Variants in NECAP2 observed in about 807,000 individuals in gnomAD.
NECAP2 encodes the protein NECAP endocytosis associated 2.
Under a neutral mutation model 37.8 loss-of-function variants are expected in NECAP2, and 38 were observed. That is an observed-to-expected ratio of 1.01 (90% CI 0.78 to 1.32). NECAP2 has a LOEUF of 1.32. Ranked by LOEUF, NECAP2 falls within the 40% of genes most tolerant of loss-of-function variation. The probability of loss-of-function intolerance (pLI) is 0.00; values close to 1 mark genes in which losing one functional copy is unlikely to be tolerated. For missense variants in NECAP2, 316 were observed against 334.5 expected, an observed-to-expected ratio of 0.94 and a Z score of 0.43; for synonymous variants, 121 against 127.7, an observed-to-expected ratio of 0.95 and a Z score of 0.35.
chr1:16,451,505 G>A (rs1338216870), intron 5 of NECAP2: 7 of 278,988 alleles, frequency 2.5e-5, no homozygotes, highest in South Asian at 1.8e-4. Flanking sequence ...CCAGCAGCGC[G>A]TGAATGGTTA....
In NECAP2 at chr1:16,443,752, C is replaced by T. The variant is rs1324256196; in HGVS notation, c.193+20C>T. On this transcript the variant is annotated intron_variant, in intron 2 of 7. Transcript: ENST00000337132. ...CGTCAGGTAACCGGAAGGGAGGCTG[C>T]ATCAAGCTGAGGGGCCGCACCCCAC... The T allele has an allele frequency of 6.3e-7, 1 of 1,591,430 alleles. No homozygotes were observed. Among genetic ancestry groups the T allele is most frequent in the Admixed American group, 1.7e-5 (1 of 58,626 alleles).
intron 2 of NECAP2, among the ~76,000 whole-genome samples, chr1:16,445,453 G>A (rs897307468): frequency 6.6e-6 from 1 of 152,244 alleles, no homozygotes; most frequent in Non-Finnish European, 1.5e-5. Flanking sequence ...ATTGCCAGAT[G>A]TCCTCTTGGG....
intron 5 of NECAP2, 107 bp from the exon 6 acceptor site, chr1:16,451,731 C>A: frequency 1.8e-6 from 2 of 1,134,140 alleles, no homozygotes; most frequent in Non-Finnish European, 2.6e-6. Flanking sequence ...CTTTTGGTTA[C>A]ACAGATGTTG....
chr1:16,440,889 T>G (rs1417498404), intron 1 of NECAP2, 36 bp downstream of exon 1: 1 of 1,579,650 alleles, frequency 6.3e-7, no homozygotes, highest in Non-Finnish European at 8.7e-7. Context: ...TAGCTCCAAT[T>G]TAACCCTTTC....
chr1:16,451,430 C>A, intron 5 of NECAP2: 1 of 170,374 alleles, frequency 5.9e-6, no homozygotes, highest in Non-Finnish European at 1.3e-5. Flanking sequence ...GTTTAAGTTC[C>A]TATGTTGAGC....
intron 1 of NECAP2, among the ~76,000 whole-genome samples, chr1:16,443,265 GT>G (rs2100942988): frequency 6.6e-6 from 1 of 152,294 alleles, no homozygotes; most frequent in South Asian, 2.1e-4. Context: ...CCTAAGAATA[GT>G]TTTTACATTT....
intron 2 of NECAP2, among the ~76,000 whole-genome samples, chr1:16,445,345 G>A (rs1242632936): frequency 1.3e-5 from 2 of 152,222 alleles, no homozygotes; most frequent in Non-Finnish European, 2.9e-5. Context: ...TTGGAGAGCT[G>A]TGGAGCCCAG....
At position 16,451,864 on chromosome 1, in the gene NECAP2, T is replaced by C; in HGVS notation, c.516T>C (p.Ala172=). 1 of 1,614,072 alleles carries C rather than the reference T, an allele frequency of 6.2e-7. No individual in the cohort carries two copies. Among genetic ancestry groups the C allele is most frequent in the Non-Finnish European group, 8.5e-7 (1 of 1,179,976 alleles). The change falls in exon 6 of 8, where the codon GCT becomes GCC. Residue 172 remains alanine (A), a synonymous_variant. Coordinates refer to ENST00000337132, the MANE Select transcript of NECAP2 (RefSeq NM_018090.5). The stretch of plus-strand genomic sequence containing the variant: ...ACATGAAGAAGAAGGAAGGAGCAGC[T>C]GGGAATCCCCGAGTCCGGCCTGCCA... ...IANMKKKEGA[A]GNPRVRPAST... is the part of the protein sequence containing the mutation.
intron 7 of NECAP2, among the ~76,000 whole-genome samples, chr1:16,458,588 CA>C (rs370954719): frequency 4.9e-5 from 6 of 123,094 alleles, no homozygotes; most frequent in African/African-American, 1.2e-4. Context: ...GACCCTGTCT[CA>C]AAAAAAAAAC....
chr1:16,443,531 T>C, intron 1 of NECAP2, 101 bp from the exon 2 acceptor site: 1 of 855,828 alleles, frequency 1.2e-6, no homozygotes, highest in South Asian at 1.5e-5. Flanking sequence ...AGAAAATGTT[T>C]GCCAACTCTT....
At chr1:16,443,837 C>A in intron 2 of NECAP2, 105 bp downstream of exon 2, 1 of 820,920 alleles carries the variant, frequency 1.2e-6, no homozygotes, top group African/African-American at 1.7e-5. Flanking sequence ...GGGAACCTGT[C>A]CTGAAAAATC....
chr1:16,452,867 C>G (rs1232935871), intron 6 of NECAP2, among the ~76,000 whole-genome samples: 1 of 152,040 alleles, frequency 6.6e-6, no homozygotes, highest in African/African-American at 2.4e-5. Flanking sequence ...CAGCTCTCCC[C>G]AGCTTGCAGG....
chr1:16,450,270 T>G (rs1036624074), intron 5 of NECAP2: 2 of 373,370 alleles, frequency 5.4e-6, no homozygotes, highest in Non-Finnish European at 1.0e-5. Flanking sequence ...TTTGTTTTGT[T>G]TTTTGTTTTG....
Position 16,452,788 on chromosome 1 carries a change from G to A in NECAP2, c.667+773G>A, listed in dbSNP as rs912903482. Among the ~76,000 whole-genome samples, 6 of 122,778 alleles carry A rather than the reference G, an allele frequency of 4.9e-5. No homozygotes were observed. The South Asian group carries it at 1.1e-3, about 23-fold the overall frequency. 80.5% of individuals were successfully genotyped at this position (122,778 alleles called of 152,430 possible). A position where few individuals can be genotyped will look rare whatever the true frequency, so the allele number is the denominator to read the frequency against. ...GCGCGCCCCCCCCGCCCGCCGCCCC[G>A]CCCAGCCCAGCTTGATGCTCCTGGC... On this transcript the variant is annotated intron_variant, in intron 6 of 7. Coordinates refer to ENST00000337132, the MANE Select transcript of NECAP2 (RefSeq NM_018090.5).
At chr1:16,446,184 G>A (rs571083960) in intron 2 of NECAP2, among the ~76,000 whole-genome samples, 1 of 152,318 alleles carries the variant, frequency 6.6e-6, no homozygotes, top group African/African-American at 2.4e-5. Flanking sequence ...CTTCAGCCTG[G>A]GCAACAAGAG....
rs866825314 is a variant in NECAP2 at position 16,447,957 on chromosome 1, G to T, written c.281G>T (p.Arg94Leu). Residue 94 changes from arginine (R) to leucine (L), a missense_variant, in exon 3 of 8, where the codon CGC becomes CTC. Physicochemically the swap from Arg to Leu is moderately radical, Grantham distance 102. This residue lies in a region of NECAP2 where 81 missense variants were observed against 124.2 expected (regional missense o/e 0.65). Transcript: ENST00000337132. ...GATTCCAGCAGGTACTTCGTGATCC[G>T]CATCGAAGATGGAAATGGTAGGCAT... ...VTDSSRYFVI[R>L]IEDGNGRRAF... is the part of the protein sequence containing the mutation. The T allele has an allele frequency of 1.2e-6, 2 of 1,613,964 alleles. No individual in the cohort carries two copies. Among genetic ancestry groups the T allele is most frequent in the African/African-American group, 2.7e-5 (2 of 74,912 alleles).
rs1255884568 is a variant in NECAP2 at position 16,447,877 on chromosome 1, C to T, written c.201C>T (p.Leu67=). The T allele has an allele frequency of 6.2e-7, 1 of 1,614,072 alleles. No individual in the cohort carries two copies. Among genetic ancestry groups the T allele is most frequent in the Admixed American group, 1.7e-5 (1 of 60,010 alleles). The part of the protein sequence containing the change: ...IKLEDRTSGE[L]FAQAPVDQFP... ...CCTAACCTGTGCTTTCAGGGGAGCT[C>T]TTTGCTCAGGCCCCGGTGGATCAGT... The change falls in exon 3 of 8, where the codon CTC becomes CTT. Residue 67 remains leucine (L), a synonymous_variant. Coordinates refer to ENST00000337132, the MANE Select transcript of NECAP2 (RefSeq NM_018090.5).
intron 2 of NECAP2, among the ~76,000 whole-genome samples, chr1:16,445,827 C>T (rs752803683): frequency 6.6e-6 from 1 of 151,888 alleles, no homozygotes; most frequent in East Asian, 1.9e-4. Context: ...TCACTTGAAC[C>T]GAGGAGGTAG....
chr1:16,454,912 C>T (rs956897288), intron 6 of NECAP2, among the ~76,000 whole-genome samples: 1 of 152,176 alleles, frequency 6.6e-6, no homozygotes, highest in African/African-American at 2.4e-5. Flanking sequence ...CACACCAGTC[C>T]TATGGAGTAG....
Sources: allele counts gnomAD v4.1 joint callset (sites outside exome capture counted in the v4.1 genomes callset), GRCh38; gene constraint gnomAD v4.1.1; regional missense constraint gnomAD v4.1.1; transcripts MANE v1.5; gene names NCBI Gene and HGNC (gene_info 2026-07-23, HGNC 2026-07-21).